Variants in SLC9A5 observed in about 807,000 individuals in gnomAD.
SLC9A5 encodes sodium/hydrogen exchanger 5.
SLC9A5 carries 52 observed loss-of-function variants against 91.7 expected under a neutral mutation model. The observed-to-expected ratio is 0.57, with a 90% CI of 0.45 to 0.71. SLC9A5 has a LOEUF of 0.71. SLC9A5 is among the 30% of genes least tolerant of loss of function. The probability of loss-of-function intolerance (pLI) is 0.00; values close to 1 mark genes in which losing one functional copy is unlikely to be tolerated. For synonymous variants in SLC9A5, 419 were observed against 474.5 expected, an observed-to-expected ratio of 0.88 and a Z score of 1.52; for missense variants, 871 against 1,158.9, an observed-to-expected ratio of 0.75 and a Z score of 3.61.
Position 67,271,061 on chromosome 16 carries a change from G to A in SLC9A5, c.2542G>A (p.Ala848Thr). The A allele has an allele frequency of 6.2e-7, 1 of 1,612,058 alleles. No individual in the cohort carries two copies. The highest frequency in any genetic ancestry group is 8.5e-7 in the Non-Finnish European group (1 of 1,178,522). Residue 848 changes from alanine (A) to threonine (T), a missense_variant, in exon 16 of 16, where the codon GCT becomes ACT. Transcript: ENST00000299798. Reference protein sequence around the residue: ...SFAFPPSLAKAGRSRSESSAD... With the variant: ...SFAFPPSLAKTGRSRSESSAD... ...CGCCTTCCCACCGAGCCTGGCCAAG[G>A]CTGGCCGCTCTCGCAGTGAGAGCAG...
chr16:67,249,616 C>T (rs909620420), intron 1 of SLC9A5, among the ~76,000 whole-genome samples: 1 of 152,188 alleles, frequency 6.6e-6, no homozygotes, highest in African/African-American at 2.4e-5. Flanking sequence ...CACAGGCATC[C>T]TGGTTCTGAA....
chr16:67,268,176 CTTTT>C (rs72054057), intron 15 of SLC9A5, among the ~76,000 whole-genome samples: 5 of 129,004 alleles, frequency 3.9e-5, no homozygotes, highest in African/African-American at 8.6e-5. Context: ...CATGCCCAGC[CTTTT>C]TTTTTTTTTT....
intron 15 of SLC9A5, among the ~76,000 whole-genome samples, chr16:67,267,133 G>C (rs2035748454): frequency 6.8e-6 from 1 of 146,860 alleles, no homozygotes; most frequent in Non-Finnish European, 1.5e-5. Flanking sequence ...TGTTGCCCAG[G>C]CTGGAGTGTA....
Position 67,268,692 on chromosome 16 carries a change from ATATATATATATATATATATT to A in SLC9A5, c.2219-2044_2219-2025del, listed in dbSNP as rs1367984195. ...TATATATATATATATATATATATAT[ATATATATATATATATATATT>A]TTTACAGTAGGCTTGTCCAATGTCC... On this transcript the variant is annotated intron_variant, in intron 15 of 15. Coordinates refer to ENST00000299798, the MANE Select transcript of SLC9A5 (RefSeq NM_004594.3). Among the ~76,000 whole-genome samples the A allele has an allele frequency of 6.8e-4, 48 of 70,848 alleles. 1 individual carries two copies. Among genetic ancestry groups the A allele is most frequent in the South Asian group, 4.0e-3 (8 of 2,014 alleles). 46.5% of individuals were successfully genotyped at this position (70,848 alleles called of 152,430 possible).
In SLC9A5 at chr16:67,255,993, A is replaced by T. The variant is rs1025520316; in HGVS notation, c.911+63A>T. 3.9e-6 allele frequency: 6 copies of T among 1,534,888 alleles called. No individual in the cohort carries two copies. The African/African-American group carries it at 5.5e-5, about 14-fold the overall frequency. Reference sequence around the variant, plus strand: ...GGGGCACTGGAGATGGTTGCCCCTCATAGGGACACAGGCAGGAACTTCAGG... The same window carrying T: ...GGGGCACTGGAGATGGTTGCCCCTCTTAGGGACACAGGCAGGAACTTCAGG... On this transcript the variant is annotated intron_variant, in intron 5 of 15. Transcript: ENST00000299798. The surrounding 1 kb of genome is among the most constrained non-coding windows in gnomAD (Gnocchi z 4.9).
At chr16:67,259,976 G>C (rs757437205) in intron 12 of SLC9A5, 30 bp downstream of exon 12, 1 of 1,609,588 alleles carries the variant, frequency 6.2e-7, no homozygotes, top group South Asian at 1.1e-5. Context: ...AGGATTTTGA[G>C]GGGGTGGAGG....
At chr16:67,268,022 T>C (rs1237377307) in intron 15 of SLC9A5, among the ~76,000 whole-genome samples, 3 of 152,132 alleles carry the variant, frequency 2.0e-5, no homozygotes, top group Non-Finnish European at 2.9e-5. Flanking sequence ...GGATTCTTTT[T>C]TTTTCTTTCA....
At position 67,266,135 on chromosome 16, in the gene SLC9A5, G is replaced by T; in HGVS notation, c.2128G>T (p.Asp710Tyr). The change falls in exon 15 of 16, where the codon GAC (aspartate) becomes TAC (tyrosine). Residue 710 changes from aspartate to tyrosine, a missense_variant. Transcript: ENST00000299798. ...VESEEEEEES[D>Y]SSETEKEDDE... ...GTCTGAGGAGGAGGAGGAGGAGAGCGACAGTTCAGAGACAGAGAAGGAGGA... is the reference window on the plus strand; with the variant it reads ...GTCTGAGGAGGAGGAGGAGGAGAGCTACAGTTCAGAGACAGAGAAGGAGGA... 6.2e-7 allele frequency: 1 copy of T among 1,611,550 alleles called. No individual in the cohort carries two copies. The highest frequency in any genetic ancestry group is 1.1e-5 in the South Asian group (1 of 90,608).
intron 12 of SLC9A5, among the ~76,000 whole-genome samples, chr16:67,264,088 C>T (rs922998429): frequency 2.6e-5 from 4 of 152,102 alleles, no homozygotes; most frequent in Admixed American, 6.5e-5. Context: ...CAGAGAGAAT[C>T]GGGAAAGGAT....
intron 12 of SLC9A5, chr16:67,262,125 G>A: frequency 2.8e-6 from 1 of 359,910 alleles, no homozygotes; most frequent in Non-Finnish European, 5.7e-6. Flanking sequence ...GCCACCAAAT[G>A]TCTCCTTCTT....
At chr16:67,249,755 C>A (rs2035040776) in intron 1 of SLC9A5, among the ~76,000 whole-genome samples, 3 of 152,124 alleles carry the variant, frequency 2.0e-5, no homozygotes, top group Admixed American at 1.3e-4. Flanking sequence ...GTATGGGTAC[C>A]CCCCCAACCC....
intron 15 of SLC9A5, 23 bp downstream of exon 15, chr16:67,266,248 C>T (rs746445207): frequency 6.4e-7 from 1 of 1,572,300 alleles, no homozygotes; most frequent in Non-Finnish European, 8.6e-7. Flanking sequence ...TCCCTGCCCA[C>T]CTCCCCTCTG....
chr16:67,255,927 T>A lies in SLC9A5; in HGVS notation c.908T>A (p.Leu303His). 1 of 1,612,902 alleles carries A rather than the reference T, an allele frequency of 6.2e-7. No individual in the cohort carries two copies. The highest frequency in any genetic ancestry group is 1.1e-5 in the South Asian group (1 of 90,724). ...TAEMASLSAI[L>H]AVTMCGLGCK... ...GAAATGGCCTCGCTCTCCGCCATTC[T>A]TGCGTGAGTTCTGGGGGCCTTGCAG... Residue 303 changes from leucine (L) to histidine (H), a missense_variant, in exon 5 of 16, where the codon CTT (leucine) becomes CAT (histidine). Around this residue, in one of 3 missense-constraint regions of SLC9A5, gnomAD observed 454 missense variants for 718.3 expected, o/e 0.63. Transcript: ENST00000299798. The surrounding 1 kb of genome is among the most constrained non-coding windows in gnomAD (Gnocchi z 4.9).
intron 2 of SLC9A5, among the ~76,000 whole-genome samples, 167 bp from the exon 3 acceptor site, chr16:67,254,854 C>T (rs2035251448): frequency 6.6e-6 from 1 of 152,252 alleles, no homozygotes; most frequent in Non-Finnish European, 1.5e-5. Context: ...GGTAGCTTGA[C>T]TGAAGTCTCC....
chr16:67,256,611 G>A lies in SLC9A5; in HGVS notation c.1054G>A (p.Val352Met), dbSNP rs542721154. 1.1e-4 allele frequency: 172 copies of A among 1,614,066 alleles called. No homozygotes were observed. The highest frequency in any genetic ancestry group is 1.3e-4 in the Non-Finnish European group (155 of 1,179,978). Residue 352 changes from valine to methionine, a missense_variant, in exon 6 of 16, where the codon GTG (valine) becomes ATG (methionine). Physicochemically the swap from Val to Met is conservative, Grantham distance 21 (BLOSUM62 1). This residue lies in a region of SLC9A5 where 454 missense variants were observed against 718.3 expected (regional missense o/e 0.63). Coordinates refer to ENST00000299798, the MANE Select transcript of SLC9A5 (RefSeq NM_004594.3). The surrounding 1 kb of genome is among the most constrained non-coding windows in gnomAD (Gnocchi z 4.1). ...CTTCATGCTGCTTGGCATCTCAGCC[G>A]TGGACTCTTCTAAGTGGGCCTGGGA... Reference protein sequence around the residue: ...VIFMLLGISAVDSSKWAWDSG... With the variant: ...VIFMLLGISAMDSSKWAWDSG...
chr16:67,263,147 A>C (rs2035585614), intron 12 of SLC9A5: 1 of 150,438 alleles, frequency 6.6e-6, no homozygotes, highest in African/African-American at 2.4e-5. Context: ...TGCTGGAGGC[A>C]GGAAGGAGGG....
intron 2 of SLC9A5, among the ~76,000 whole-genome samples, chr16:67,253,053 G>A (rs2035188750): frequency 6.6e-6 from 1 of 152,242 alleles, no homozygotes; most frequent in Non-Finnish European, 1.5e-5. Context: ...AGCTGAGCAG[G>A]AGTCTGGCTC....
At chr16:67,250,475 G>C (rs899164677) in intron 1 of SLC9A5, among the ~76,000 whole-genome samples, 1 of 152,142 alleles carries the variant, frequency 6.6e-6, no homozygotes, top group African/African-American at 2.4e-5. Flanking sequence ...CCAACGATTG[G>C]GTTTGCTAAG....
In SLC9A5 at chr16:67,255,424, A is replaced by G. The variant is rs2035275790; in HGVS notation, c.686A>G (p.Glu229Gly). The change falls in exon 4 of 16, where the codon GAG (glutamate) becomes GGG (glycine). Residue 229 changes from glutamate to glycine, a missense_variant. By Grantham distance (98) the Glu-to-Gly change is moderately conservative (BLOSUM62 -2). Coordinates refer to ENST00000299798, the MANE Select transcript of SLC9A5 (RefSeq NM_004594.3). The surrounding 1 kb of genome is among the most constrained non-coding windows in gnomAD (Gnocchi z 4.9). The part of the protein sequence containing the change: ...VLYKVCNSFV[E>G]MGSANVQATD... ...TACAAGGTCTGCAACTCCTTTGTGG[A>G]GATGGGCTCTGCCAATGTGCAGGCC... 1 of 1,613,854 alleles carries G rather than the reference A, an allele frequency of 6.2e-7. No individual in the cohort carries two copies. The highest frequency in any genetic ancestry group is 1.3e-5 in the African/African-American group (1 of 74,904).
Sources: allele counts gnomAD v4.1 joint callset (sites outside exome capture counted in the v4.1 genomes callset), GRCh38; gene constraint gnomAD v4.1.1; regional missense constraint gnomAD v4.1.1; non-coding constraint Gnocchi (gnomAD v3.1); transcripts MANE v1.5; gene names NCBI Gene and HGNC (gene_info 2026-07-23, HGNC 2026-07-21).